JMY: variants seen among roughly 807,000 people sequenced by gnomAD.
The protein encoded by JMY is junction mediating and regulatory protein, p53 cofactor.
Under a neutral mutation model 103.3 loss-of-function variants are expected in JMY, and 46 were observed. That is an observed-to-expected ratio of 0.45 (90% CI 0.35 to 0.57). The LOEUF (loss-of-function observed/expected upper bound fraction) is 0.57. Among genes scored for constraint, JMY ranks in the 20% least tolerant of loss-of-function variants. JMY has a pLI of 0.00. For synonymous variants in JMY, 526 were observed against 489.3 expected, an observed-to-expected ratio of 1.07 and a Z score of -0.99; for missense variants, 1,238 against 1,255.2, an observed-to-expected ratio of 0.99 and a Z score of 0.21.
At chr5:79,291,745 A>C (rs1258886782) in intron 4 of JMY, among the ~76,000 whole-genome samples, 2 of 152,086 alleles carry the variant, frequency 1.3e-5, no homozygotes. Flanking sequence ...GGTCTCCCCC[A>C]TCTCCCACCA....
chr5:79,265,559 T>A (rs1055373145), intron 1 of JMY, among the ~76,000 whole-genome samples: 3 of 151,760 alleles, frequency 2.0e-5, no homozygotes, highest in Non-Finnish European at 4.4e-5. Flanking sequence ...GCCATTTAGT[T>A]AGTTGAATTG....
At position 79,314,532 on chromosome 5, in the gene JMY, G is replaced by A. The variant is rs140988163; in HGVS notation, c.2340G>A (p.Leu780=). The A allele has an allele frequency of 1.4e-4, 224 of 1,614,040 alleles. No individual in the cohort carries two copies. In the African/African-American group the frequency reaches 2.3e-3, roughly 17 times the overall value. The change falls in exon 9 of 11, where the codon CTG becomes CTA. Residue 780 remains leucine (L), a synonymous_variant. Transcript: ENST00000396137. ...SLPLSGVTSE[L]PPTISLPLLN... ...CTCTCAGTGGTGTTACCTCTGAACT[G>A]CCTCCCACTATATCTCTTCCACTTT... is the stretch of plus-strand genomic sequence containing the variant.
rs543553949 is a variant in JMY, at chr5:79,319,606, A to G, written c.*4-2000A>G. Among the ~76,000 whole-genome samples, 62 of 148,100 alleles carry G rather than the reference A, an allele frequency of 4.2e-4. 2 individuals carry two copies. In the South Asian group the frequency reaches 0.013, roughly 31 times the overall value. ...TCTTTTTTTCTTTTCTTCAAGACTGAGTTTCACTCTTGTTGCCCAAGCTGG... is the reference window on the plus strand; with the variant it reads ...TCTTTTTTTCTTTTCTTCAAGACTGGGTTTCACTCTTGTTGCCCAAGCTGG... On this transcript the variant is annotated intron_variant, in intron 10 of 10. Coordinates refer to ENST00000396137, the MANE Select transcript of JMY (RefSeq NM_152405.5).
At chr5:79,254,995 AT>A (rs573619393) in intron 1 of JMY, among the ~76,000 whole-genome samples, 1 of 151,244 alleles carries the variant, frequency 6.6e-6, no homozygotes, top group Non-Finnish European at 1.5e-5. Context: ...TGGTTCTTTT[AT>A]TTCAATCTCT....
At chr5:79,317,146 G>C (rs1026983032) in intron 10 of JMY, among the ~76,000 whole-genome samples, 1 of 151,650 alleles carries the variant, frequency 6.6e-6, no homozygotes, top group African/African-American at 2.4e-5. Flanking sequence ...TGTCATGTTA[G>C]CTGACCTCAA....
chr5:79,298,585 G>A (rs944090679), intron 4 of JMY, among the ~76,000 whole-genome samples: 16 of 152,272 alleles, frequency 1.1e-4, no homozygotes, highest in African/African-American at 2.6e-4. Flanking sequence ...GGTTATATAC[G>A]TTGTTTGTCA....
At chr5:79,284,366 T>C in intron 2 of JMY, 2 of 1,283,410 alleles carry the variant, frequency 1.6e-6, no homozygotes, top group African/African-American at 1.5e-5. Flanking sequence ...AATCAATTTA[T>C]TGACCACTTC....
chr5:79,237,870 T>G (rs577387386), intron 1 of JMY, among the ~76,000 whole-genome samples, 188 bp downstream of exon 1: 1 of 151,272 alleles, frequency 6.6e-6, no homozygotes, highest in African/African-American at 2.4e-5. Flanking sequence ...ATTGACTCTC[T>G]GAAGGACCTT....
intron 8 of JMY, among the ~76,000 whole-genome samples, 181 bp downstream of exon 8, chr5:79,312,679 G>T (rs1384353303): frequency 6.6e-6 from 1 of 151,942 alleles, no homozygotes; most frequent in Non-Finnish European, 1.5e-5. Context: ...TCCTCTGGTG[G>T]TTTTCCGAAT....
intron 1 of JMY, among the ~76,000 whole-genome samples, chr5:79,258,311 G>GTTTTTTTTTT (rs1491360478): frequency 4.9e-5 from 4 of 81,812 alleles, no homozygotes; most frequent in African/African-American, 1.3e-4. Context: ...TTTTGTTTTT[G>GTTTTTTTTTT]TTGTTTTTTT....
chr5:79,304,734 C>G (rs1402411907), intron 6 of JMY, among the ~76,000 whole-genome samples: 1 of 152,136 alleles, frequency 6.6e-6, no homozygotes, highest in African/African-American at 2.4e-5. Context: ...GGTTTCAGAT[C>G]TTGCTTATTA....
chr5:79,280,221 C>T (rs1398208499), intron 2 of JMY, among the ~76,000 whole-genome samples: 3 of 152,174 alleles, frequency 2.0e-5, no homozygotes, highest in East Asian at 1.9e-4. Flanking sequence ...ATAAACTGGA[C>T]GACCTGGATA....
intron 2 of JMY, among the ~76,000 whole-genome samples, chr5:79,281,838 G>A (rs1380085431): frequency 6.6e-6 from 1 of 152,164 alleles, no homozygotes; most frequent in African/African-American, 2.4e-5. Context: ...TTAAGCCATA[G>A]TAAAATTGCT....
At position 79,300,302 on chromosome 5, in the gene JMY, C is replaced by G. The variant is rs759015164; in HGVS notation, c.1677C>G (p.Ile559Met). ...ELLLTAQLES[I>M]KRLISEKRDE... Reference sequence around the variant, plus strand: ...TATTGACAGCGCAACTAGAAAGCATCAAAAGACTTATATCAGGTATGGCGT... The same window carrying G: ...TATTGACAGCGCAACTAGAAAGCATGAAAAGACTTATATCAGGTATGGCGT... The change falls in exon 5 of 11, where the codon ATC (isoleucine) becomes ATG (methionine). Residue 559 changes from isoleucine to methionine, a missense_variant. Ile to Met is a conservative substitution (Grantham distance 10). Transcript: ENST00000396137. 6.4e-6 allele frequency: 10 copies of G among 1,571,284 alleles called. No individual in the cohort carries two copies. Among genetic ancestry groups the G allele is most frequent in the African/African-American group, 2.8e-5 (2 of 72,282 alleles).
At chr5:79,311,737 C>T (rs1747055003) in intron 7 of JMY, among the ~76,000 whole-genome samples, 1 of 152,166 alleles carries the variant, frequency 6.6e-6, no homozygotes, top group African/African-American at 2.4e-5. Flanking sequence ...AGCTGTGATA[C>T]TAAACCAGAT....
At chr5:79,248,873 C>T (rs1236557422) in intron 1 of JMY, among the ~76,000 whole-genome samples, 4 of 152,190 alleles carry the variant, frequency 2.6e-5, no homozygotes, top group Non-Finnish European at 4.4e-5. Flanking sequence ...ATCCTCCCGC[C>T]TCAGTCTCTG....
chr5:79,304,023 C>T (rs1746813584), intron 6 of JMY, among the ~76,000 whole-genome samples: 3 of 152,100 alleles, frequency 2.0e-5, no homozygotes, highest in Admixed American at 2.0e-4. Context: ...GAACTTAATA[C>T]CGGCTTAATA....
chr5:79,258,058 C>T (rs540221628), intron 1 of JMY, among the ~76,000 whole-genome samples: 8 of 152,174 alleles, frequency 5.3e-5, no homozygotes, highest in Admixed American at 3.3e-4. Flanking sequence ...CCACTGTGCC[C>T]GGCCTTTGAT....
At chr5:79,321,054 T>A (rs1372172039) in intron 10 of JMY, among the ~76,000 whole-genome samples, 2 of 152,254 alleles carry the variant, frequency 1.3e-5, no homozygotes, top group Non-Finnish European at 2.9e-5. Flanking sequence ...ATTAGCCACA[T>A]GTAGCTACAG....
Sources: allele counts gnomAD v4.1 joint callset (sites outside exome capture counted in the v4.1 genomes callset), GRCh38; gene constraint gnomAD v4.1.1; transcripts MANE v1.5; gene names NCBI Gene and HGNC (gene_info 2026-07-23, HGNC 2026-07-21).